Variants in SHANK2 observed in about 807,000 individuals in gnomAD.
The protein encoded by SHANK2 is SH3 and multiple ankyrin repeat domains protein 2.
SHANK2 carries 43 observed loss-of-function variants against 133.7 expected under a neutral mutation model. That is an observed-to-expected ratio of 0.32 (90% confidence interval 0.25 to 0.41). The LOEUF is 0.41. SHANK2 is among the 10% of genes least tolerant of loss of function. SHANK2 has a pLI of 1.00. For missense variants in SHANK2, 1,994 were observed against 2,235.8 expected, an observed-to-expected ratio of 0.89 and a Z score of 2.18; for synonymous variants, 1,017 against 952.8, an observed-to-expected ratio of 1.07 and a Z score of -1.24.
intron 15 of SHANK2, among the ~76,000 whole-genome samples, chr11:70,672,066 CTTTTTTT>C (rs1323179481): frequency 1.8e-5 from 1 of 54,594 alleles, no homozygotes; most frequent in Non-Finnish European, 4.8e-5. Flanking sequence ...TTTTCTTTTT[CTTTTTTT>C]TTTTTTTTTA....
intron 10 of SHANK2, among the ~76,000 whole-genome samples, chr11:70,940,350 G>A (rs914594278): frequency 4.4e-4 from 66 of 151,466 alleles, no homozygotes; most frequent in African/African-American, 1.4e-3. Flanking sequence ...GGGTTCAAGC[G>A]ATTCTCCTGC....
chr11:71,125,385 C>A (rs1952162799), intron 3 of SHANK2, among the ~76,000 whole-genome samples: 1 of 152,202 alleles, frequency 6.6e-6, no homozygotes, highest in South Asian at 2.1e-4. Flanking sequence ...CTCCAGTGAA[C>A]ACACAAATGG....
chr11:71,154,662 C>T (rs1185444085), intron 2 of SHANK2, among the ~76,000 whole-genome samples: 3 of 152,024 alleles, frequency 2.0e-5, no homozygotes, highest in Non-Finnish European at 4.4e-5. Context: ...ACCCCACCCA[C>T]GCTCCCAGAG....
chr11:71,135,230 C>T (rs1243229675), intron 3 of SHANK2, among the ~76,000 whole-genome samples: 1 of 152,178 alleles, frequency 6.6e-6, no homozygotes, highest in African/African-American at 2.4e-5. Flanking sequence ...AATGAATTCA[C>T]TCACTCCATA....
At chr11:71,084,308 A>AG in intron 8 of SHANK2, among the ~76,000 whole-genome samples, 1 of 152,304 alleles carries the variant, frequency 6.6e-6, no homozygotes, top group South Asian at 2.1e-4. Context: ...AGACAGCCTG[A>AG]GCTCAAATGG....
intron 17 of SHANK2, among the ~76,000 whole-genome samples, chr11:70,557,483 G>A (rs944334040): frequency 6.6e-6 from 1 of 152,176 alleles, no homozygotes; most frequent in Non-Finnish European, 1.5e-5. Context: ...GAGCCCAGAT[G>A]GAGTTGGCAG....
Position 70,500,309 on chromosome 11 carries a change from C to A in SHANK2, c.2308+261G>T, listed in dbSNP as rs1555158092. Among the ~76,000 whole-genome samples, 4 of 152,066 alleles carry A rather than the reference C, an allele frequency of 2.6e-5. No individual in the cohort carries two copies. The highest frequency in any genetic ancestry group is 1.5e-5 in the Non-Finnish European group (1 of 68,006). ...CAGCTGAGACCAAACAGGGGTCCGGCCAGCTTCACGGTCATGACGATGTGA... is the reference window on the plus strand; with the variant it reads ...CAGCTGAGACCAAACAGGGGTCCGGACAGCTTCACGGTCATGACGATGTGA... On this transcript the variant is annotated intron_variant, in intron 21 of 25. Transcript: ENST00000601538. This position sits in a 1 kb window ranked among gnomAD's most constrained non-coding sequence, Gnocchi z 4.5.
At chr11:70,761,004 C>T (rs1287629218) in intron 14 of SHANK2, among the ~76,000 whole-genome samples, 3 of 152,150 alleles carry the variant, frequency 2.0e-5, no homozygotes, top group Admixed American at 6.5e-5. Context: ...GTGGAGGTGC[C>T]GGCTTTCCAG....
intron 17 of SHANK2, among the ~76,000 whole-genome samples, chr11:70,636,709 A>T (rs1413537481): frequency 6.7e-6 from 1 of 150,346 alleles, no homozygotes; most frequent in East Asian, 2.0e-4. Flanking sequence ...GTGTGTGAAC[A>T]TATGTGCGAG....
intron 17 of SHANK2, among the ~76,000 whole-genome samples, chr11:70,613,638 G>A (rs1052116220): frequency 9.2e-5 from 14 of 152,148 alleles, no homozygotes; most frequent in Admixed American, 9.2e-4. Flanking sequence ...GATCTCAGGA[G>A]GTGACCTTAT....
At chr11:70,581,686 G>GTCAA (rs200049317) in intron 17 of SHANK2, among the ~76,000 whole-genome samples, 5,204 of 152,100 alleles carry the variant, frequency 0.034, 117 homozygotes, top group East Asian at 0.098. Context: ...GCGAGACTCT[G>GTCAA]TCAATCAATC....
Position 70,471,066 on chromosome 11 carries a change from A to G in SHANK2, c.*1803T>C. 5.2e-6 allele frequency: 2 copies of G among 386,960 alleles called. No individual in the cohort carries two copies. The highest frequency in any genetic ancestry group is 3.6e-5 in the East Asian group (1 of 27,428). 24.0% of individuals were successfully genotyped at this position (386,960 alleles called of 1,614,324 possible). A position where few individuals can be genotyped will look rare whatever the true frequency, so the allele number is the denominator to read the frequency against. On this transcript the variant is annotated 3_prime_UTR_variant, in exon 26 of 26. Transcript: ENST00000601538. This position sits in a 1 kb window ranked among gnomAD's most constrained non-coding sequence, Gnocchi z 4.1. ...ACAGAAATAGTATTATTAAATCACA[A>G]AAGTTTTTTTTTCTTTAACTTTCTA... is the stretch of plus-strand genomic sequence containing the variant.
chr11:70,625,398 G>T (rs2060891039), intron 17 of SHANK2, among the ~76,000 whole-genome samples: 1 of 152,106 alleles, frequency 6.6e-6, no homozygotes, highest in Non-Finnish European at 1.5e-5. Flanking sequence ...TTCTTCTGGA[G>T]GTCCAAGCTG....
intron 14 of SHANK2, among the ~76,000 whole-genome samples, chr11:70,701,454 T>A (rs191806723): frequency 9.1e-4 from 138 of 152,284 alleles, no homozygotes; most frequent in South Asian, 1.9e-3. Flanking sequence ...CAGGCTGGAG[T>A]GCAGTGGTGC....
At chr11:70,511,051 G>A (rs753009569) in intron 17 of SHANK2, among the ~76,000 whole-genome samples, 1 of 152,320 alleles carries the variant, frequency 6.6e-6, no homozygotes, top group South Asian at 2.1e-4. Context: ...GCTGTGCGTC[G>A]TGTGGCTTTG....
In SHANK2 at chr11:70,575,518, C is replaced by CAAAAAAAAAAAAAAAA. The variant is rs71049923; in HGVS notation, c.2062-72588_2062-72587insTTTTTTTTTTTTTTTT. Among the ~76,000 whole-genome samples the CAAAAAAAAAAAAAAAA allele has an allele frequency of 2.6e-4, 36 of 139,510 alleles. 1 individual carries two copies. Among genetic ancestry groups the CAAAAAAAAAAAAAAAA allele is most frequent in the African/African-American group, 9.8e-4 (35 of 35,600 alleles). 91.5% of individuals were successfully genotyped at this position (139,510 alleles called of 152,430 possible). On this transcript the variant is annotated intron_variant, in intron 17 of 25. Transcript: ENST00000601538. ...AGGGCAACAAATTGAGACTCTGCCT[C>CAAAAAAAAAAAAAAAA]AAAAAAAAAAGAAAGTACAAAGGCC... is the stretch of plus-strand genomic sequence containing the variant.
At chr11:71,119,825 C>T (rs534401183) in intron 3 of SHANK2, among the ~76,000 whole-genome samples, 1 of 152,288 alleles carries the variant, frequency 6.6e-6, no homozygotes, top group East Asian at 1.9e-4. Context: ...TCCTGGGGAA[C>T]ACACATTCAG....
At chr11:70,909,565 C>T (rs1296844505) in intron 10 of SHANK2, among the ~76,000 whole-genome samples, 2 of 152,168 alleles carry the variant, frequency 1.3e-5, no homozygotes, top group African/African-American at 2.4e-5. Context: ...CCTTGTTCTG[C>T]ACATCAGACA....
chr11:70,698,808 C>A (rs1555022949), intron 14 of SHANK2, 45 bp from the exon 15 acceptor site: 1 of 718,252 alleles, frequency 1.4e-6, no homozygotes, highest in South Asian at 1.5e-5. Flanking sequence ...AAGTCATGGT[C>A]CCCGAACGCG....
Sources: gnomAD v4.1 joint callset for allele counts (sites outside exome capture counted in the v4.1 genomes callset) on GRCh38, gnomAD v4.1.1 for gene constraint, Gnocchi (gnomAD v3.1) non-coding constraint, MANE v1.5 for transcripts, NCBI Gene and HGNC (gene_info 2026-07-23, HGNC 2026-07-21) for gene names.